Variants in PFKFB2 observed in about 807,000 individuals in gnomAD.
PFKFB2 encodes 6-phosphofructo-2-kinase/fructose-2,6-bisphosphatase 2.
A neutral mutation model predicts 68.0 loss-of-function variants in PFKFB2; 53 were observed. The observed-to-expected ratio is 0.78, with a 90% CI of 0.63 to 0.98. PFKFB2 has a LOEUF of 0.98. PFKFB2 is among the 50% of genes least tolerant of loss of function. The probability of loss-of-function intolerance (pLI) is 0.00; values close to 1 mark genes in which losing one functional copy is unlikely to be tolerated. For missense variants in PFKFB2, 451 were observed against 642.0 expected (o/e 0.70, Z 3.22); for synonymous variants, 222 against 227.6 (o/e 0.98, Z 0.22).
In PFKFB2 at chr1:207,074,096, G is replaced by A; in HGVS notation, c.*1725G>A. ...GCTTAATACTGACTCAGAATCTCTG[G>A]GATCTGGGTCTGGACATGCATGTAT... On this transcript the variant is annotated 3_prime_UTR_variant, in exon 15 of 15. Coordinates refer to ENST00000367080, the MANE Select transcript of PFKFB2 (RefSeq NM_006212.2). 1 of 904,830 alleles carries A rather than the reference G, an allele frequency of 1.1e-6. No homozygotes were observed. Among genetic ancestry groups the A allele is most frequent in the Non-Finnish European group, 1.3e-6 (1 of 757,300 alleles). 56.1% of individuals were successfully genotyped at this position (904,830 alleles called of 1,614,324 possible). A position where few individuals can be genotyped will look rare whatever the true frequency, so the allele number is the denominator to read the frequency against.
At chr1:207,045,548 C>T (rs530855034) in intron 2 of PFKFB2, 1 of 150,204 alleles carries the variant, frequency 6.7e-6, no homozygotes, top group East Asian at 2.0e-4. Flanking sequence ...TGTCTCCACA[C>T]ATGAAAGAAC....
At chr1:207,044,105 C>T (rs1262978841) in intron 2 of PFKFB2, 1 of 152,360 alleles carries the variant, frequency 6.6e-6, no homozygotes, top group African/African-American at 2.4e-5. Flanking sequence ...TTTTCTTATG[C>T]TGTTTTGCCC....
At chr1:207,053,616 C>T (rs970078153) in intron 1 of PFKFB2, among the ~76,000 whole-genome samples, 11 of 152,162 alleles carry the variant, frequency 7.2e-5, no homozygotes, top group Admixed American at 2.0e-4. Context: ...GAATTGGGGG[C>T]ATGAGCTCAG....
At chr1:207,068,028 T>G in intron 9 of PFKFB2, 135 bp from the exon 10 acceptor site, 1 of 776,152 alleles carries the variant, frequency 1.3e-6, no homozygotes, top group Non-Finnish European at 2.1e-6. Context: ...CCTTATGGAT[T>G]TTGACCATGG....
intron 1 of PFKFB2, among the ~76,000 whole-genome samples, chr1:207,041,642 G>A (rs1170118921): frequency 1.3e-5 from 2 of 152,120 alleles, no homozygotes; most frequent in African/African-American, 2.4e-5. Context: ...ATTGATGGGC[G>A]TTTGGGTTGG....
In PFKFB2 at chr1:207,062,611, C is replaced by T. The variant is rs774273284; in HGVS notation, c.212-9C>T. 9 of 1,613,052 alleles carry T rather than the reference C, an allele frequency of 5.6e-6. No individual in the cohort carries two copies. The South Asian group carries it at 7.7e-5, about 14-fold the overall frequency. On this transcript the variant is annotated splice_polypyrimidine_tract_variant and intron_variant, in intron 3 of 14. Coordinates refer to ENST00000367080, the MANE Select transcript of PFKFB2 (RefSeq NM_006212.2). ...TTTTGCTGCTGAAGGATTTGGGTGT[C>T]TTCTACAGTGTTTAATCTTGGGGTG...
intron 2 of PFKFB2, chr1:207,045,348 T>C (rs1475656117): frequency 2.0e-5 from 3 of 152,434 alleles, no homozygotes; most frequent in Admixed American, 6.5e-5. Flanking sequence ...TGAAATTGAG[T>C]TCTACTGTTA....
Position 207,041,524 on chromosome 1 carries a change from G to C in PFKFB2, c.-61-645G>C, listed in dbSNP as rs187526385. Among the ~76,000 whole-genome samples the C allele has an allele frequency of 3.3e-5, 5 of 152,224 alleles. No homozygotes were observed. In the East Asian group the frequency reaches 9.6e-4, roughly 29 times the overall value. ...CCTGTGTTAGTTTGCTGAGAATGAT[G>C]GTTTCCAGCTTCATCCATGTCCCTG... On this transcript the variant is annotated intron_variant, in intron 1 of 5. Coordinates refer to the PFKFB2 transcript ENST00000545806.
intron 2 of PFKFB2, chr1:207,047,294 G>A (rs147745326): frequency 2.0e-5 from 3 of 152,624 alleles, no homozygotes; most frequent in African/African-American, 7.2e-5. Context: ...CACACAAAAG[G>A]TACTCAAGAA....
chr1:207,045,313 C>A (rs1408991503), intron 2 of PFKFB2: 3 of 152,426 alleles, frequency 2.0e-5, no homozygotes, highest in African/African-American at 4.8e-5. Context: ...AATGCTAGGG[C>A]ACAGACCATG....
Position 207,070,502 on chromosome 1 carries a change from C to A in PFKFB2, c.1222+93C>A. 2 of 1,397,316 alleles carry A rather than the reference C, an allele frequency of 1.4e-6. No individual in the cohort carries two copies. Among genetic ancestry groups the A allele is most frequent in the Non-Finnish European group, 2.0e-6 (2 of 1,015,462 alleles). The allele number at this position is 1,397,316 out of a possible 1,614,324, so 86.6% of individuals were successfully genotyped here. A position where few individuals can be genotyped will look rare whatever the true frequency, so the allele number is the denominator to read the frequency against. On this transcript the variant is annotated intron_variant, in intron 12 of 14. Transcript: ENST00000367080. This position sits in a 1 kb window ranked among gnomAD's most constrained non-coding sequence, Gnocchi z 4.2. ...ATTCCTGGGAAACAGACCTCCCTGTCTCCACTCAAATTAGAGTACTTTCTC... is the reference window on the plus strand; with the variant it reads ...ATTCCTGGGAAACAGACCTCCCTGTATCCACTCAAATTAGAGTACTTTCTC...
At chr1:207,052,071 T>C, upstream of PFKFB2, 1 of 837,448 alleles carries the variant, frequency 1.2e-6, no homozygotes, top group South Asian at 1.5e-5. Flanking sequence ...CATTGTTCTT[T>C]ATCCAGCCGG....
At chr1:207,078,879 G>A, downstream of PFKFB2, 1 of 1,241,230 alleles carries the variant, frequency 8.1e-7, no homozygotes, top group Non-Finnish European at 1.2e-6. Flanking sequence ...GTAGGGGAAG[G>A]ATTCTGTTCT....
At position 207,076,635 on chromosome 1, in the gene PFKFB2, TGACA is replaced by T. The variant is rs1316834387; in HGVS notation, c.*4272_*4275del. ...TAGTTGGATCTCTGTGCTGACTGAC[TGACA>T]GACAGACTTTAGTGTCTGTGTGCTG... On this transcript the variant is annotated 3_prime_UTR_variant, in exon 15 of 15. Transcript: ENST00000367080. 1 of 985,002 alleles carries T rather than the reference TGACA, an allele frequency of 1.0e-6. No homozygotes were observed. 61.0% of individuals were successfully genotyped at this position (985,002 alleles called of 1,614,324 possible).
Position 207,072,405 on chromosome 1 carries a change from CTGTG to C in PFKFB2, c.*38_*41del, listed in dbSNP as rs777797262. On this transcript the variant is annotated 3_prime_UTR_variant, in exon 15 of 15. Transcript: ENST00000367080. ...CCAAGTCAGCATTCCGGTGGTGTAA[CTGTG>C]TGTTTCCCTCCAGCCCTGGCCTCCT... The C allele has an allele frequency of 1.9e-6, 3 of 1,601,254 alleles. No individual in the cohort carries two copies. The East Asian group carries it at 6.7e-5, about 36-fold the overall frequency.
At chr1:207,054,832 C>G (rs1682874083) in intron 2 of PFKFB2, 30 bp downstream of exon 2, 1 of 1,442,122 alleles carries the variant, frequency 6.9e-7, no homozygotes. Context: ...AGGGACTGCT[C>G]TCTCTCAGCA....
chr1:207,062,251 G>A (rs891474199), intron 3 of PFKFB2, among the ~76,000 whole-genome samples, 173 bp downstream of exon 3: 4 of 152,180 alleles, frequency 2.6e-5, no homozygotes, highest in South Asian at 2.1e-4. Context: ...TCCTCCTGGC[G>A]TGGGTGGATT....
intron 10 of PFKFB2, 150 bp from the exon 11 acceptor site, chr1:207,069,274 C>T: frequency 1.8e-6 from 1 of 561,622 alleles, no homozygotes; most frequent in Non-Finnish European, 3.2e-6. Context: ...ACACTCTGGT[C>T]ACAGGCAGCT....
At chr1:207,054,628 A>G (rs1682862070) in intron 1 of PFKFB2, 73 bp from the exon 2 acceptor site, 1 of 998,770 alleles carries the variant, frequency 1.0e-6, no homozygotes, top group Non-Finnish European at 1.5e-6. Context: ...CACGGATCCA[A>G]TGCACTGACT....
Sources: gnomAD v4.1 joint callset for allele counts (sites outside exome capture counted in the v4.1 genomes callset) on GRCh38, gnomAD v4.1.1 for gene constraint, Gnocchi (gnomAD v3.1) non-coding constraint, MANE v1.5 for transcripts, NCBI Gene and HGNC (gene_info 2026-07-23, HGNC 2026-07-21) for gene names.